The following PHF24 variants were observed in gnomAD, a reference collection of about 807,000 sequenced individuals.
PHF24 encodes PHD finger protein 24.
Under a neutral mutation model 42.6 loss-of-function variants are expected in PHF24, and 25 were observed. The ratio of observed to expected loss-of-function variants is 0.59; its 90% CI spans 0.43 to 0.82. PHF24 has a LOEUF of 0.82. Among genes scored for constraint, PHF24 ranks in the 40% least tolerant of loss-of-function variants. The probability of loss-of-function intolerance (pLI) is 0.00; values close to 1 mark genes in which losing one functional copy is unlikely to be tolerated. For synonymous variants in PHF24, 185 were observed against 204.8 expected (o/e 0.90, Z 0.83); for missense variants, 470 against 538.1 (o/e 0.87, Z 1.25).
At chr9:34,671,867 C>T in the PHF24 span, among the ~76,000 whole-genome samples, 1 of 152,186 alleles carries the variant, frequency 6.6e-6, no homozygotes, top group South Asian at 2.1e-4. Context: ...GTCTATATGT[C>T]TACTCATCTT....
chr9:34,922,711 C>A, the PHF24 span: 1 of 1,544,424 alleles, frequency 6.5e-7, no homozygotes. Context: ...TTCTCAGCAC[C>A]TTCTGTCTTT....
chr9:34,853,407 A>T, the PHF24 span, among the ~76,000 whole-genome samples: 3 of 152,074 alleles, frequency 2.0e-5, no homozygotes, highest in Non-Finnish European at 4.4e-5. Flanking sequence ...CATTGGGGAT[A>T]TTGGCCTAAA....
chr9:34,940,150 A>G, the PHF24 span, among the ~76,000 whole-genome samples: 1 of 152,128 alleles, frequency 6.6e-6, no homozygotes, highest in Admixed American at 6.6e-5. Flanking sequence ...CCCCAGTGAA[A>G]CAGTGGGCCT....
Position 34,972,262 on chromosome 9 carries a change from T to C in PHF24, c.379-84T>C. On this transcript the variant is annotated intron_variant, in intron 2 of 7. Coordinates refer to ENST00000242315, the Ensembl canonical transcript of PHF24. ...GCTAATCTGGGAAGACTCAGCCCCA[T>C]GCAGGTAGCTCTGTGCTTAGTGGCC... The C allele has an allele frequency of 4.9e-6, 6 of 1,232,664 alleles. No homozygotes were observed. In the South Asian group the frequency reaches 6.0e-5, roughly 12 times the overall value. The allele number at this position is 1,232,664 out of a possible 1,614,324, so 76.4% of individuals were successfully genotyped here.
chr9:34,740,169 T>G, the PHF24 span, among the ~76,000 whole-genome samples: 1 of 152,248 alleles, frequency 6.6e-6, no homozygotes. Flanking sequence ...CCCGGCTGTC[T>G]TCACCCAGTG....
At chr9:34,979,121 C>T (rs1827306238) in exon 8 of PHF24, 1 of 152,254 alleles carries the variant, frequency 6.6e-6, no homozygotes, top group South Asian at 2.1e-4. Flanking sequence ...CTCAACTCAA[C>T]TGTAGACACC....
the PHF24 span, among the ~76,000 whole-genome samples, chr9:34,808,464 C>T: frequency 1.1e-4 from 16 of 152,028 alleles, 1 homozygote; most frequent in South Asian, 2.9e-3. Context: ...TCTATCCCCC[C>T]GCCAAAAAAA....
At chr9:34,802,290 G>A in the PHF24 span, among the ~76,000 whole-genome samples, 13 of 152,054 alleles carry the variant, frequency 8.5e-5, no homozygotes, top group African/African-American at 2.9e-4. Flanking sequence ...CACAAGGTGG[G>A]CATGAGACCC....
chr9:34,695,359 C>T, the PHF24 span, among the ~76,000 whole-genome samples: 18 of 152,116 alleles, frequency 1.2e-4, no homozygotes, highest in African/African-American at 3.4e-4. Flanking sequence ...ACCTTTTTTT[C>T]CCCATACCTC....
chr9:34,673,343 G>A, the PHF24 span, among the ~76,000 whole-genome samples: 1 of 75,436 alleles, frequency 1.3e-5, no homozygotes, highest in Admixed American at 1.7e-4. Context: ...TACAGAGCGA[G>A]ACTCTATTTC....
At chr9:34,730,291 A>T in the PHF24 span, among the ~76,000 whole-genome samples, 2 of 152,154 alleles carry the variant, frequency 1.3e-5, no homozygotes, top group African/African-American at 4.8e-5. Context: ...CAGCTTCAGG[A>T]CCCATTACTT....
the PHF24 span, among the ~76,000 whole-genome samples, chr9:34,764,784 G>A: frequency 6.6e-6 from 1 of 151,996 alleles, no homozygotes; most frequent in East Asian, 1.9e-4. Flanking sequence ...TCTTTTAATT[G>A]TGATGTTAGG....
the PHF24 span, among the ~76,000 whole-genome samples, chr9:34,881,498 A>G: frequency 6.6e-6 from 1 of 152,232 alleles, no homozygotes; most frequent in Non-Finnish European, 1.5e-5. Context: ...AGAAGAATCA[A>G]ATAGACGCAA....
chr9:34,849,468 A>G, the PHF24 span, among the ~76,000 whole-genome samples: 1 of 151,308 alleles, frequency 6.6e-6, no homozygotes, highest in Non-Finnish European at 1.5e-5. Context: ...ATCTTCCTCC[A>G]TCCTTTTATT....
chr9:34,723,937 A>G, the PHF24 span: 2 of 1,551,462 alleles, frequency 1.3e-6, no homozygotes, highest in East Asian at 4.9e-5. Context: ...GATGAAAGCT[A>G]CGGCTCCATC....
At chr9:34,954,364 C>T (rs1159831819), upstream of PHF24, among the ~76,000 whole-genome samples, 1 of 152,192 alleles carries the variant, frequency 6.6e-6, no homozygotes, top group African/African-American at 2.4e-5. Context: ...GGGTGTCTAC[C>T]TCTGGATCAA....
chr9:34,924,534 G>A, the PHF24 span, among the ~76,000 whole-genome samples: 2 of 152,046 alleles, frequency 1.3e-5, no homozygotes, highest in Non-Finnish European at 1.5e-5. Context: ...ATGACCGTTT[G>A]TGTTTCTTTT....
chr9:34,794,529 AG>A, the PHF24 span, among the ~76,000 whole-genome samples: 1 of 152,348 alleles, frequency 6.6e-6, no homozygotes, highest in African/African-American at 2.4e-5. Flanking sequence ...ATTATCTGAG[AG>A]AGAATTAAGG....
chr9:34,893,504 G>A, the PHF24 span, among the ~76,000 whole-genome samples: 6 of 152,186 alleles, frequency 3.9e-5, no homozygotes, highest in East Asian at 1.9e-4. Context: ...GGGAGGCAGA[G>A]GTAGGAGAGT....
Sources: allele counts gnomAD v4.1 joint callset (sites outside exome capture counted in the v4.1 genomes callset), GRCh38; gene constraint gnomAD v4.1.1; transcripts MANE v1.5; gene names NCBI Gene and HGNC (gene_info 2026-07-23, HGNC 2026-07-21).